The following KMT2D variants were observed in gnomAD, a reference collection of about 807,000 sequenced individuals.
KMT2D encodes the protein histone-lysine N-methyltransferase 2D.
Under a neutral mutation model 512.7 loss-of-function variants are expected in KMT2D, and 55 were observed. The observed-to-expected ratio is 0.11, with a 90% CI of 0.09 to 0.13. The LOEUF (loss-of-function observed/expected upper bound fraction) is 0.13. Among genes scored for constraint, KMT2D ranks in the 10% least tolerant of loss-of-function variants. The pLI is 1.00. For synonymous variants in KMT2D, 2,995 were observed against 2,904.0 expected, an observed-to-expected ratio of 1.03 and a Z score of -1.01; for missense variants, 6,061 against 7,127.9, an observed-to-expected ratio of 0.85 and a Z score of 5.39.
rs2120649902 is a variant in KMT2D, at chr12:49,050,392, C to T, written c.3196G>A (p.Asp1066Asn). The T allele has an allele frequency of 3.1e-6, 5 of 1,613,522 alleles. No individual in the cohort carries two copies. Among genetic ancestry groups the T allele is most frequent in the Non-Finnish European group, 4.2e-6 (5 of 1,179,672 alleles). Reference sequence around the variant, plus strand: ...TCCATCTCGTGCAGCTCAGCCTCATCTGAGACCCCCACTACCTTCCCTATG... The same window carrying T: ...TCCATCTCGTGCAGCTCAGCCTCATTTGAGACCCCCACTACCTTCCCTATG... ...SPIGKVVGVS[D>N]EAELHEMETE... Residue 1066 changes from aspartate (D) to asparagine (N), a missense_variant, in exon 12 of 55, where the codon GAT (aspartate) becomes AAT (asparagine). Asp to Asn is a conservative substitution (Grantham distance 23). Coordinates refer to ENST00000301067, the MANE Select transcript of KMT2D (RefSeq NM_003482.4).
Position 49,037,731 on chromosome 12 carries a change from G to A in KMT2D, c.9625C>T (p.Leu3209=), listed in dbSNP as rs745985095. ...SPLSGPGGSS[L]LEKFELESGA... ...CTCTCGAGCTCAAACTTTTCCAGCAGGGAGGATCCTCCTGGGCCACTCAGT... is the reference window on the plus strand; with the variant it reads ...CTCTCGAGCTCAAACTTTTCCAGCAAGGAGGATCCTCCTGGGCCACTCAGT... Residue 3209 remains leucine, a synonymous_variant, in exon 35 of 55, where the codon CTG becomes TTG. Coordinates refer to ENST00000301067, the MANE Select transcript of KMT2D (RefSeq NM_003482.4). 4 of 1,588,958 alleles carry A rather than the reference G, an allele frequency of 2.5e-6. No homozygotes were observed. The highest frequency in any genetic ancestry group is 1.3e-5 in the African/African-American group (1 of 74,520).
At position 49,053,225 on chromosome 12, in the gene KMT2D, A is replaced by G. The variant is rs1432657783; in HGVS notation, c.936T>C (p.Ala312=). Residue 312 remains alanine (A), a synonymous_variant, in exon 8 of 55, where the codon GCT becomes GCC. Coordinates refer to ENST00000301067, the MANE Select transcript of KMT2D (RefSeq NM_003482.4). ...CLKPPMEELP[A]HSWKCKACRV... ...CACTCACCTTGCACTTCCAAGAGTG[A>G]GCAGGCAGTTCCTCCATGGGTGGTT... 2 of 1,613,752 alleles carry G rather than the reference A, an allele frequency of 1.2e-6. No homozygotes were observed.
Position 49,030,270 on chromosome 12 carries a change from CTT to C in KMT2D, c.13999+8_13999+9del, listed in dbSNP as rs1942830961. ...AACTCCACCAGGGGTGGCATCTGCT[CTT>C]GACTTACCCCTCAGTGCCCTTTCAC... On this transcript the variant is annotated splice_region_variant and intron_variant, in intron 43 of 54. Transcript: ENST00000301067. 8 of 1,593,640 alleles carry C rather than the reference CTT, an allele frequency of 5.0e-6. No homozygotes were observed. The Admixed American group carries it at 5.2e-5, about 10-fold the overall frequency.
In KMT2D at chr12:49,050,912, G is replaced by A. The variant is rs768627183; in HGVS notation, c.2771C>T (p.Ser924Phe). The change falls in exon 11 of 55, where the codon TCC becomes TTC. Residue 924 changes from serine (S) to phenylalanine (F), a missense_variant. This residue lies in a region of KMT2D where 848 missense variants were observed against 838.5 expected (regional missense o/e 1.01). Transcript: ENST00000301067. ...TGGTGGCATCAGCTGAGGCGACAAG[G>A]ATGGCTCCCCAGATGGGGACAACGG... ...ELPLSPSGEP[S>F]LSPQLMPPDP... 2.0e-6 allele frequency: 3 copies of A among 1,536,444 alleles called. No homozygotes were observed. Among genetic ancestry groups the A allele is most frequent in the Non-Finnish European group, 2.6e-6 (3 of 1,140,608 alleles).
In KMT2D at chr12:49,050,687, A is replaced by G. The variant is rs764153809; in HGVS notation, c.2901T>C (p.Ser967=). 6 of 1,613,532 alleles carry G rather than the reference A, an allele frequency of 3.7e-6. No homozygotes were observed. In the Admixed American group the frequency reaches 1.0e-4, roughly 27 times the overall value. The change falls in exon 12 of 55, where the codon AGT becomes AGC. Residue 967 remains serine (S), a synonymous_variant. Coordinates refer to ENST00000301067, the MANE Select transcript of KMT2D (RefSeq NM_003482.4). ...GGGCAGCCAACGGTGACTCAGGGTC[A>G]CTGTCCCCTTTGGCACCAAAGGGGT... ...LEYPFGAKGD[S]DPESPLAAPI... is the part of the protein sequence containing the mutation.
At position 49,052,987 on chromosome 12, in the gene KMT2D, T is replaced by C. The variant is rs1020065475; in HGVS notation, c.1040A>G (p.His347Arg). 3 of 1,613,956 alleles carry C rather than the reference T, an allele frequency of 1.9e-6. No individual in the cohort carries two copies. The highest frequency in any genetic ancestry group is 1.7e-5 in the Admixed American group (1 of 60,014). ...SEWFENYSLC[H>R]RCHKAQGGQT... Reference sequence around the variant, plus strand: ...ACCTCCCTGGGCTTTGTGACAGCGGTGACAGAGAGAGTAGTTCTCAAACCA... The same window carrying C: ...ACCTCCCTGGGCTTTGTGACAGCGGCGACAGAGAGAGTAGTTCTCAAACCA... Residue 347 changes from histidine to arginine, a missense_variant, in exon 9 of 55, where the codon CAC becomes CGC. Transcript: ENST00000301067.
In KMT2D at chr12:49,046,487, T is replaced by C. The variant is rs2120607556; in HGVS notation, c.4419-63A>G. 2 of 1,593,602 alleles carry C rather than the reference T, an allele frequency of 1.3e-6. No individual in the cohort carries two copies. Among genetic ancestry groups the C allele is most frequent in the South Asian group, 2.3e-5 (2 of 88,842 alleles). On this transcript the variant is annotated intron_variant, in intron 16 of 54. Transcript: ENST00000301067. The surrounding 1 kb of genome is among the most constrained non-coding windows in gnomAD (Gnocchi z 4.2). ...CTACCCGAAGTACCCAGAAGTCCCC[T>C]CACCGGAAACCCAAGCCACCAGCCT...
Position 49,041,003 on chromosome 12 carries a change from G to A in KMT2D, c.6767C>T (p.Ala2256Val), listed in dbSNP as rs2120539692. The A allele has an allele frequency of 6.3e-7, 1 of 1,595,216 alleles. No individual in the cohort carries two copies. Among genetic ancestry groups the A allele is most frequent in the Non-Finnish European group, 8.5e-7 (1 of 1,169,696 alleles). Residue 2256 changes from alanine to valine, a missense_variant, in exon 32 of 55, where the codon GCT becomes GTT. By Grantham distance (64) the Ala-to-Val change is moderately conservative. Around this residue, in one of 16 missense-constraint regions of KMT2D, gnomAD observed 710 missense variants for 647.3 expected, o/e 1.10. Transcript: ENST00000301067. This position sits in a 1 kb window ranked among gnomAD's most constrained non-coding sequence, Gnocchi z 5.4. ...CCCTACCCCAGGGCTCTCAGGCACA[G>A]CCAAGTTATCCAGCGAGGGGCAGCG... ...KPRCPSLDNLAVPESPGVGGG... is the reference protein window; with the variant it reads ...KPRCPSLDNLVVPESPGVGGG...
chr12:49,046,852 AT>A lies in KMT2D; in HGVS notation c.4237-63del, dbSNP rs1389757849. 5.7e-4 allele frequency: 818 copies of A among 1,436,812 alleles called. No individual in the cohort carries two copies. The highest frequency in any genetic ancestry group is 1.3e-3 in the Admixed American group (57 of 43,918). The allele number at this position is 1,436,812 out of a possible 1,614,324, so 89.0% of individuals were successfully genotyped here. ...TGGAAAAGAGGTAGAACTTCTTTTTATTTTTTTTTGGAGATGGAGTTTTGCT... is the reference window on the plus strand; with the variant it reads ...TGGAAAAGAGGTAGAACTTCTTTTTATTTTTTTTGGAGATGGAGTTTTGCT... On this transcript the variant is annotated intron_variant, in intron 15 of 54. Transcript: ENST00000301067. The surrounding 1 kb of genome is among the most constrained non-coding windows in gnomAD (Gnocchi z 4.2).
Position 49,051,900 on chromosome 12 carries a change from C to T in KMT2D, c.1783G>A (p.Glu595Lys), listed in dbSNP as rs2120678510. 6.2e-7 allele frequency: 1 copy of T among 1,612,334 alleles called. No homozygotes were observed. The highest frequency in any genetic ancestry group is 1.7e-4 in the Middle Eastern group (1 of 6,044). ...PEESPMSPPP[E>K]ASRLFPPFEE... The stretch of plus-strand genomic sequence containing the variant: ...AATGGTGGGAACAGACGAGATGCCT[C>T]CGGTGGTGGAGACATGGGTGACTCT... The change falls in exon 11 of 55, where the codon GAG (glutamate) becomes AAG (lysine). Residue 595 changes from glutamate to lysine, a missense_variant. Glu to Lys is a moderately conservative substitution (Grantham distance 56, BLOSUM62 1). Coordinates refer to ENST00000301067, the MANE Select transcript of KMT2D (RefSeq NM_003482.4).
intron 49 of KMT2D, among the ~76,000 whole-genome samples, chr12:49,025,514 G>T (rs1000004931): frequency 6.6e-6 from 1 of 152,184 alleles, no homozygotes; most frequent in Non-Finnish European, 1.5e-5. Context: ...GCCTAGGTGT[G>T]TAGTATGCTA....
intron 1 of KMT2D, among the ~76,000 whole-genome samples, chr12:49,055,940 C>A (rs1260453710): frequency 1.3e-5 from 2 of 152,200 alleles, no homozygotes; most frequent in Non-Finnish European, 2.9e-5. Flanking sequence ...GAGGACATCA[C>A]CATTACAAAA....
rs777033074 is a variant in KMT2D, at chr12:49,039,990, G to A, written c.7780C>T (p.Leu2594=). ...TGNFHPSGSP[L]GPSSGSTGES... Reference sequence around the variant, plus strand: ...CCTGTGGACCCGCTGCTGGGCCCCAGGGGGCTGCCCGATGGGTGGAAGTTC... The same window carrying A: ...CCTGTGGACCCGCTGCTGGGCCCCAAGGGGCTGCCCGATGGGTGGAAGTTC... Residue 2594 remains leucine (L), a synonymous_variant, in exon 32 of 55, where the codon CTG becomes TTG. Coordinates refer to ENST00000301067, the MANE Select transcript of KMT2D (RefSeq NM_003482.4). The surrounding 1 kb of genome is among the most constrained non-coding windows in gnomAD (Gnocchi z 5.0). The A allele has an allele frequency of 1.2e-6, 2 of 1,613,676 alleles. No homozygotes were observed. The highest frequency in any genetic ancestry group is 1.7e-5 in the Admixed American group (1 of 59,946).
Position 49,033,482 on chromosome 12 carries a change from TTGC to T in KMT2D, c.11220_11222del (p.Gln3745del), listed in dbSNP as rs398123707. 33 of 1,609,696 alleles carry T rather than the reference TTGC, an allele frequency of 2.1e-5. No individual in the cohort carries two copies. Among genetic ancestry groups the T allele is most frequent in the Admixed American group, 1.0e-4 (6 of 59,448 alleles). On this transcript the variant is annotated inframe_deletion, in exon 40 of 55. Coordinates refer to ENST00000301067, the MANE Select transcript of KMT2D (RefSeq NM_003482.4). ...GTCCTAGAAGGTGCTGCTGCTGCTG[TTGC>T]TGCTGCTGCTGCTGCTGCAGTTTCT... is the stretch of plus-strand genomic sequence containing the variant.
rs770885860 is a variant in KMT2D, at chr12:49,038,432, C to T, written c.8924G>A (p.Arg2975His). 23 of 1,612,366 alleles carry T rather than the reference C, an allele frequency of 1.4e-5. No homozygotes were observed. The highest frequency in any genetic ancestry group is 1.6e-4 in the Middle Eastern group (1 of 6,080). Residue 2975 changes from arginine to histidine, a missense_variant, in exon 35 of 55, where the codon CGC (arginine) becomes CAC (histidine). Physicochemically the swap from Arg to His is conservative, Grantham distance 29. Coordinates refer to ENST00000301067, the MANE Select transcript of KMT2D (RefSeq NM_003482.4). This position sits in a 1 kb window ranked among gnomAD's most constrained non-coding sequence, Gnocchi z 5.7. ...NRPPSSTELG[R>H]PNPLALEAGK... is the part of the protein sequence containing the mutation. ...AGCTTCCAGGGCCAGAGGATTGGGG[C>T]GGCCAAGCTCAGTGCTCGACGGGGG... is the stretch of plus-strand genomic sequence containing the variant.
intron 1 of KMT2D, among the ~76,000 whole-genome samples, chr12:49,055,837 AG>A (rs1278639828): frequency 6.6e-6 from 1 of 152,180 alleles, no homozygotes; most frequent in Admixed American, 6.5e-5. Flanking sequence ...CCTCTCCCAG[AG>A]GCAGAGTCTG....
In KMT2D at chr12:49,052,679, G is replaced by A. The variant is rs1938147808; in HGVS notation, c.1143C>T (p.Pro381=). Residue 381 remains proline (P), a synonymous_variant, in exon 10 of 55, where the codon CCC becomes CCT. Transcript: ENST00000301067. Reference sequence around the variant, plus strand: ...CGTACAGAGCATCGGGCTCGTCAGTGGGGGTATCGCCAGGCTCTGGGGGTG... The same window carrying A: ...CGTACAGAGCATCGGGCTCGTCAGTAGGGGTATCGCCAGGCTCTGGGGGTG... ...RFSPPEPGDT[P]TDEPDALYVA... The A allele has an allele frequency of 1.9e-6, 3 of 1,613,634 alleles. No individual in the cohort carries two copies. The highest frequency in any genetic ancestry group is 2.2e-5 in the South Asian group (2 of 91,084).
Position 49,030,667 on chromosome 12 carries a change from C to T in KMT2D, c.13773G>A (p.Leu4591=), listed in dbSNP as rs759231994. 22 of 1,612,576 alleles carry T rather than the reference C, an allele frequency of 1.4e-5. No individual in the cohort carries two copies. Among genetic ancestry groups the T allele is most frequent in the Non-Finnish European group, 1.9e-5 (22 of 1,179,340 alleles). The change falls in exon 42 of 55, where the codon CTG becomes CTA. Residue 4591 remains leucine (L), a synonymous_variant. Transcript: ENST00000301067. ...GCGCCCCACTTCCAAAGGCCCCCCT[C>T]AGCTGGCTCTGCCCATTGACTGGGC... The part of the protein sequence containing the change: ...SGCPVNGQSQ[L]RGAFGSGALP...
rs1169391944 is a variant in KMT2D at position 49,050,155 on chromosome 12, C to A, written c.3433G>T (p.Ala1145Ser). ...ACAGGGGAGCCTTTAAGTTCACTAG[C>A]CAAACTGCCAGGGGTCTGTCCAGGC... ...PEPGQTPGSL[A>S]SELKGSPVLL... is the part of the protein sequence containing the mutation. Residue 1145 changes from alanine (A) to serine (S), a missense_variant, in exon 12 of 55, where the codon GCT becomes TCT. Transcript: ENST00000301067. 2 of 1,613,608 alleles carry A rather than the reference C, an allele frequency of 1.2e-6. No homozygotes were observed.
Sources: allele counts gnomAD v4.1 joint callset (sites outside exome capture counted in the v4.1 genomes callset), GRCh38; gene constraint gnomAD v4.1.1; regional missense constraint gnomAD v4.1.1; non-coding constraint Gnocchi (gnomAD v3.1); transcripts MANE v1.5; gene names NCBI Gene and HGNC (gene_info 2026-07-23, HGNC 2026-07-21).